Variants in ADAMTSL1 observed in about 807,000 individuals in gnomAD.
ADAMTSL1 encodes ADAMTS like 1.
In ADAMTSL1, 126 loss-of-function variants were observed where a neutral mutation model predicts 201.8. The ratio of observed to expected loss-of-function variants is 0.62; its 90% CI spans 0.54 to 0.72. The LOEUF (loss-of-function observed/expected upper bound fraction) is 0.72, where lower values mean the gene tolerates loss of function less well. ADAMTSL1 is among the 30% of genes least tolerant of loss of function. The pLI is 0.00. For synonymous variants in ADAMTSL1, 1,121 were observed against 903.4 expected, an observed-to-expected ratio of 1.24 and a Z score of -4.32; for missense variants, 2,679 against 2,277.8, an observed-to-expected ratio of 1.18 and a Z score of -3.59.
chr9:18,234,570 C>A (rs1216105675), intron 2 of ADAMTSL1, among the ~76,000 whole-genome samples: 7 of 152,056 alleles, frequency 4.6e-5, no homozygotes, highest in African/African-American at 1.7e-4. Context: ...GTGCCAGAGC[C>A]AAAACCTGAA....
intron 1 of ADAMTSL1, chr9:18,163,726 T>C (rs563321846): frequency 6.6e-6 from 1 of 152,136 alleles, no homozygotes; most frequent in African/African-American, 2.4e-5. Flanking sequence ...CGCATTAATA[T>C]GTATTTGCGT....
At position 18,173,019 on chromosome 9, in the gene ADAMTSL1, A is replaced by C. The variant is rs576820727; in HGVS notation, c.207+9038A>C. Among the ~76,000 whole-genome samples, 12 of 152,248 alleles carry C rather than the reference A, an allele frequency of 7.9e-5. No individual in the cohort carries two copies. In the East Asian group the frequency reaches 2.3e-3, roughly 29 times the overall value. On this transcript the variant is annotated intron_variant, in intron 2 of 29. Coordinates refer to the ADAMTSL1 transcript ENST00000680146. ...AGATAATTGGGTTGGGATGCTATGCATAGTACACTTTAGCCCTATCTATAA... is the reference window on the plus strand; with the variant it reads ...AGATAATTGGGTTGGGATGCTATGCCTAGTACACTTTAGCCCTATCTATAA...
intron 13 of ADAMTSL1, among the ~76,000 whole-genome samples, chr9:18,692,201 A>G (rs1025050275): frequency 6.6e-6 from 1 of 152,204 alleles, no homozygotes; most frequent in Non-Finnish European, 1.5e-5. Flanking sequence ...TATTTAAATA[A>G]AAAGAGATTT....
At chr9:18,224,541 T>C (rs1252632707) in intron 2 of ADAMTSL1, among the ~76,000 whole-genome samples, 1 of 152,154 alleles carries the variant, frequency 6.6e-6, no homozygotes, top group Admixed American at 6.6e-5. Context: ...CCCCCAAATT[T>C]ATGTGCTTCT....
intron 1 of ADAMTSL1, among the ~76,000 whole-genome samples, chr9:18,002,093 G>C (rs569773694): frequency 2.6e-5 from 4 of 151,976 alleles, no homozygotes; most frequent in African/African-American, 4.8e-5. Flanking sequence ...GAAGACACAG[G>C]GGAAGAATGA....
intron 20 of ADAMTSL1, among the ~76,000 whole-genome samples, chr9:18,800,377 C>CAAAAAAAAAAAAAAAA (rs58346548): frequency 3.3e-5 from 2 of 60,672 alleles, no homozygotes; most frequent in Non-Finnish European, 5.9e-5. Flanking sequence ...AACTCCATCT[C>CAAAAAAAAAAAAAAAA]AAAAAAAAAA....
intron 23 of ADAMTSL1, among the ~76,000 whole-genome samples, chr9:18,876,442 C>G (rs572166998): frequency 4.0e-5 from 6 of 151,828 alleles, no homozygotes; most frequent in African/African-American, 1.5e-4. Context: ...CTTGCAGTGC[C>G]GACTTGGTAG....
intron 1 of ADAMTSL1, among the ~76,000 whole-genome samples, chr9:18,005,176 C>T (rs1285704351): frequency 6.6e-6 from 1 of 151,978 alleles, no homozygotes; most frequent in Non-Finnish European, 1.5e-5. Context: ...AGAAGTCACA[C>T]TTAAATGATA....
intron 15 of ADAMTSL1, among the ~76,000 whole-genome samples, chr9:18,750,190 C>T (rs1206724706): frequency 6.6e-6 from 1 of 152,130 alleles, no homozygotes; most frequent in East Asian, 1.9e-4. Flanking sequence ...ACACACAAAT[C>T]CTATGTGTAC....
chr9:18,462,610 A>C (rs892082497), intron 2 of ADAMTSL1, among the ~76,000 whole-genome samples: 1 of 152,122 alleles, frequency 6.6e-6, no homozygotes, highest in African/African-American at 2.4e-5. Context: ...TTTTAAGATG[A>C]TATATGAGCA....
At chr9:18,607,704 T>C (rs1825115600) in intron 4 of ADAMTSL1, among the ~76,000 whole-genome samples, 1 of 152,088 alleles carries the variant, frequency 6.6e-6, no homozygotes, top group African/African-American at 2.4e-5. Flanking sequence ...ATTAGGTATA[T>C]TTCCTAATGC....
rs1304207106 is a variant in ADAMTSL1, at chr9:18,626,899, C to G, written c.601+4530C>G. ...TCTTCCTTCCTTCCTTCCTTCCTTC[C>G]TTTCTTTCTTTTCTTTTTTTCTTTT... On this transcript the variant is annotated intron_variant, in intron 5 of 28. Transcript: ENST00000380548. Among the ~76,000 whole-genome samples the G allele has an allele frequency of 3.4e-5, 5 of 144,976 alleles. No homozygotes were observed. In the South Asian group the frequency reaches 1.1e-3, roughly 32 times the overall value.
At chr9:18,010,917 T>C (rs1395144986) in intron 1 of ADAMTSL1, among the ~76,000 whole-genome samples, 2 of 152,058 alleles carry the variant, frequency 1.3e-5, no homozygotes, top group South Asian at 2.1e-4. Context: ...TGTTTAGATA[T>C]TTAAATAATT....
intron 16 of ADAMTSL1, among the ~76,000 whole-genome samples, chr9:18,760,043 C>G (rs1819979476): frequency 6.6e-6 from 1 of 152,104 alleles, no homozygotes; most frequent in African/African-American, 2.4e-5. Context: ...TCTAAGTTAC[C>G]TCAAACTCCA....
At chr9:18,522,436 G>A (rs1818755281) in intron 2 of ADAMTSL1, among the ~76,000 whole-genome samples, 1 of 151,838 alleles carries the variant, frequency 6.6e-6, no homozygotes, top group Non-Finnish European at 1.5e-5. Context: ...CAGGAATGTA[G>A]AATTTTTATT....
chr9:18,843,433 G>A (rs1023527045), intron 23 of ADAMTSL1, among the ~76,000 whole-genome samples: 5 of 150,812 alleles, frequency 3.3e-5, no homozygotes, highest in Non-Finnish European at 7.3e-5. Context: ...TCCCTTTGTG[G>A]GTAACCCGAC....
intron 14 of ADAMTSL1, among the ~76,000 whole-genome samples, chr9:18,712,439 C>A (rs1832674908): frequency 1.3e-5 from 2 of 151,600 alleles, no homozygotes; most frequent in Admixed American, 1.3e-4. Context: ...GGCTCCAGAA[C>A]TACGTGAAGA....
chr9:18,223,997 CA>C (rs1313519754), intron 2 of ADAMTSL1, among the ~76,000 whole-genome samples: 1 of 152,016 alleles, frequency 6.6e-6, no homozygotes, highest in Non-Finnish European at 1.5e-5. Flanking sequence ...ATACAGATTC[CA>C]GAGAAGTATA....
intron 4 of ADAMTSL1, among the ~76,000 whole-genome samples, chr9:18,593,384 T>C (rs1009282027): frequency 6.6e-6 from 1 of 152,126 alleles, no homozygotes; most frequent in African/African-American, 2.4e-5. Context: ...TTTTATATTG[T>C]TTTCCTCATT....
Sources: gnomAD v4.1 joint callset for allele counts (sites outside exome capture counted in the v4.1 genomes callset) on GRCh38, gnomAD v4.1.1 for gene constraint, MANE v1.5 for transcripts, NCBI Gene and HGNC (gene_info 2026-07-23, HGNC 2026-07-21) for gene names.